Variants in PTPRT observed in about 807,000 individuals in gnomAD.
PTPRT encodes receptor-type tyrosine-protein phosphatase T.
PTPRT carries 56 observed loss-of-function variants against 176.8 expected under a neutral mutation model. That is an observed-to-expected ratio of 0.32 (90% CI 0.26 to 0.40). The LOEUF (loss-of-function observed/expected upper bound fraction) is 0.40. Among genes scored for constraint, PTPRT ranks in the 10% least tolerant of loss-of-function variants. The pLI is 1.00. For missense variants in PTPRT, 1,540 were observed against 1,908.2 expected (o/e 0.81, Z 3.60); for synonymous variants, 783 against 739.0 (o/e 1.06, Z -0.96).
chr20:42,398,107 CTGTGGTATACT>C (rs1264487360), intron 9 of PTPRT, among the ~76,000 whole-genome samples: 1 of 151,920 alleles, frequency 6.6e-6, no homozygotes, highest in Non-Finnish European at 1.5e-5. Context: ...GATCTATTGT[CTGTGGTATACT>C]ACCTCAAGGT....
chr20:42,783,895 C>T (rs1267845656), intron 3 of PTPRT, among the ~76,000 whole-genome samples: 1 of 152,076 alleles, frequency 6.6e-6, no homozygotes, highest in Admixed American at 6.6e-5. Context: ...AGGAGGCAGG[C>T]CATGCATACC....
At chr20:43,147,800 A>G (rs1172997257) in intron 1 of PTPRT, among the ~76,000 whole-genome samples, 1 of 152,186 alleles carries the variant, frequency 6.6e-6, no homozygotes, top group African/African-American at 2.4e-5. Context: ...AGCTTCATTC[A>G]TCGACCTCTC....
intron 7 of PTPRT, among the ~76,000 whole-genome samples, chr20:42,643,522 G>T (rs1285248898): frequency 6.6e-6 from 1 of 151,122 alleles, no homozygotes; most frequent in African/African-American, 2.5e-5. Flanking sequence ...TTGCTACGTT[G>T]CCCATGCTGG....
chr20:43,075,859 G>A (rs2011260916), intron 1 of PTPRT, among the ~76,000 whole-genome samples: 1 of 152,224 alleles, frequency 6.6e-6, no homozygotes, highest in South Asian at 2.1e-4. Context: ...TTTGCATAAA[G>A]TAGTAGTGAG....
At chr20:42,313,193 T>TA (rs1463594738) in intron 12 of PTPRT, among the ~76,000 whole-genome samples, 1 of 152,198 alleles carries the variant, frequency 6.6e-6, no homozygotes, top group Admixed American at 6.5e-5. Flanking sequence ...GAAGTTACCC[T>TA]ATATGGTCTA....
At chr20:42,476,433 G>A (rs1035844832) in intron 7 of PTPRT, among the ~76,000 whole-genome samples, 3 of 152,164 alleles carry the variant, frequency 2.0e-5, no homozygotes, top group Non-Finnish European at 4.4e-5. Context: ...GCTGTGCCTG[G>A]ATCTCCTGTG....
At chr20:43,165,546 C>T (rs1256212420) in intron 1 of PTPRT, among the ~76,000 whole-genome samples, 1 of 152,160 alleles carries the variant, frequency 6.6e-6, no homozygotes, top group African/African-American at 2.4e-5. Context: ...TGAGGCCTCC[C>T]AGCCATGTGA....
intron 1 of PTPRT, among the ~76,000 whole-genome samples, chr20:43,015,330 G>A (rs115876137): frequency 2.2e-3 from 333 of 152,184 alleles, no homozygotes; most frequent in African/African-American, 7.4e-3. Context: ...CTATCTTTTC[G>A]GCCAAACTTA....
intron 9 of PTPRT, among the ~76,000 whole-genome samples, chr20:42,374,212 C>G (rs1170884492): frequency 6.6e-6 from 1 of 152,240 alleles, no homozygotes; most frequent in Non-Finnish European, 1.5e-5. Flanking sequence ...CCAGCTCTTT[C>G]TTCTCAAGAA....
chr20:43,103,621 G>C (rs1288091319), intron 1 of PTPRT, among the ~76,000 whole-genome samples: 1 of 152,076 alleles, frequency 6.6e-6, no homozygotes, highest in Non-Finnish European at 1.5e-5. Context: ...TCACCCCCAA[G>C]GGGGCAAAAA....
At chr20:42,182,557 G>C (rs1032604038) in intron 16 of PTPRT, among the ~76,000 whole-genome samples, 1 of 152,104 alleles carries the variant, frequency 6.6e-6, no homozygotes, top group Non-Finnish European at 1.5e-5. Context: ...CCTATGTTCT[G>C]AGCCTCTGTC....
intron 11 of PTPRT, among the ~76,000 whole-genome samples, chr20:42,346,851 C>T (rs2058202154): frequency 6.6e-6 from 1 of 152,194 alleles, no homozygotes; most frequent in South Asian, 2.1e-4. Context: ...CAAAGAGGGA[C>T]CCACTGAAGC....
chr20:42,787,145 G>T (rs1312242878), intron 3 of PTPRT, among the ~76,000 whole-genome samples: 2 of 152,204 alleles, frequency 1.3e-5, no homozygotes, highest in African/African-American at 4.8e-5. Context: ...AACAGAAAAT[G>T]TTTGCCTTAT....
intron 1 of PTPRT, among the ~76,000 whole-genome samples, chr20:42,890,795 T>C (rs769265288): frequency 1.6e-4 from 24 of 152,242 alleles, no homozygotes; most frequent in Non-Finnish European, 3.1e-4. Flanking sequence ...AGTTTGGCTG[T>C]GTCCCCACTC....
chr20:42,965,436 T>G (rs945582100), intron 1 of PTPRT, among the ~76,000 whole-genome samples: 2 of 152,186 alleles, frequency 1.3e-5, no homozygotes, highest in African/African-American at 4.8e-5. Context: ...AGTAAAATAA[T>G]TAGGGAGTCA....
At position 42,161,569 on chromosome 20, in the gene PTPRT, T is replaced by C. The variant is rs202207412; in HGVS notation, c.2492-27A>G. On this transcript the variant is annotated intron_variant, in intron 16 of 30. Transcript: ENST00000373187. The stretch of plus-strand genomic sequence containing the variant: ...TTCGAAAAGAAGGAGGCAGAACAGA[T>C]CATCACCTATAGAAGCTTTGCCCTT... 153 of 1,570,192 alleles carry C rather than the reference T, an allele frequency of 9.7e-5. No individual in the cohort carries two copies. In the African/African-American group the frequency reaches 1.7e-3, roughly 17 times the overall value.
At chr20:42,412,932 G>C (rs527857689) in intron 9 of PTPRT, among the ~76,000 whole-genome samples, 2 of 152,178 alleles carry the variant, frequency 1.3e-5, no homozygotes, top group Admixed American at 6.5e-5. Context: ...AACTTTTTGG[G>C]ATTATGAAAA....
chr20:43,179,729 T>A (rs2015202829), intron 1 of PTPRT, among the ~76,000 whole-genome samples: 1 of 152,252 alleles, frequency 6.6e-6, no homozygotes, highest in African/African-American at 2.4e-5. Flanking sequence ...TGAACTGGCA[T>A]TAGTGCCCCC....
At chr20:42,040,047 C>T in the PTPRT span, among the ~76,000 whole-genome samples, 2 of 152,056 alleles carry the variant, frequency 1.3e-5, no homozygotes, top group African/African-American at 4.8e-5. Context: ...AATTTATATT[C>T]CCACCAACAG....
Sources: gnomAD v4.1 joint callset for allele counts (sites outside exome capture counted in the v4.1 genomes callset) on GRCh38, gnomAD v4.1.1 for gene constraint, MANE v1.5 for transcripts, NCBI Gene and HGNC (gene_info 2026-07-23, HGNC 2026-07-21) for gene names.